Variants in PSG3 observed in about 807,000 individuals in gnomAD.
The protein encoded by PSG3 is pregnancy specific beta-1-glycoprotein 3.
PSG3 carries 61 observed loss-of-function variants against 47.5 expected under a neutral mutation model. The observed-to-expected ratio is 1.28, with a 90% CI of 1.05 to 1.59. The LOEUF (loss-of-function observed/expected upper bound fraction) is 1.59. Ranked by LOEUF, PSG3 falls within the 40% of genes most tolerant of loss-of-function variation. The pLI, the probability that PSG3 is intolerant of heterozygous loss-of-function variation, is 0.00. For missense variants in PSG3, 756 were observed against 524.0 expected (o/e 1.44, Z -4.32); for synonymous variants, 263 against 198.4 (o/e 1.33, Z -2.74).
intron 2 of PSG3, among the ~76,000 whole-genome samples, chr19:42,736,090 C>T (rs1170150243): frequency 6.6e-6 from 1 of 152,190 alleles, no homozygotes; most frequent in Non-Finnish European, 1.5e-5. Flanking sequence ...AACACCCTTA[C>T]TTTGCCCAGG....
chr19:42,729,217 C>T lies in PSG3; in HGVS notation c.1149G>A (p.Gln383=), dbSNP rs777655541. The part of the protein sequence containing the change: ...QLSGQKLFIP[Q]ITTKHSGLYA... ...AGAGCCCGCTATGCTTTGTAGTAAT[C>T]TGGGGGATAAAGAGCTTTTGTCCTG... The change falls in exon 5 of 7, where the codon CAG becomes CAA. Residue 383 remains glutamine, a synonymous_variant. Coordinates refer to ENST00000327495, the MANE Select transcript of PSG3 (RefSeq NM_021016.4). The T allele has an allele frequency of 4.2e-5, 68 of 1,613,850 alleles. No individual in the cohort carries two copies. The highest frequency in any genetic ancestry group is 9.9e-5 in the South Asian group (9 of 91,074).
In PSG3 at chr19:42,730,073, G is replaced by T. The variant is rs1056928710; in HGVS notation, c.710-17C>A. On this transcript the variant is annotated splice_polypyrimidine_tract_variant and intron_variant, in intron 3 of 6. Transcript: ENST00000327495. ...GCAGCTTCGCTGTGTGGATAACAGA[G>T]AGAAGATTGTCCTGTGTGGCACCTT... 2 of 1,609,412 alleles carry T rather than the reference G, an allele frequency of 1.2e-6. No individual in the cohort carries two copies. The highest frequency in any genetic ancestry group is 3.3e-5 in the Admixed American group (2 of 59,790).
intron 2 of PSG3, 41 bp from the exon 3 acceptor site, chr19:42,733,103 T>G (rs1452508985): frequency 4.4e-6 from 7 of 1,591,638 alleles, no homozygotes; most frequent in Non-Finnish European, 6.0e-6. Context: ...GTGTGGCACC[T>G]TTGATTCCTC....
chr19:42,728,986 G>T, intron 5 of PSG3, 137 bp downstream of exon 5: 5 of 1,574,400 alleles, frequency 3.2e-6, no homozygotes, highest in South Asian at 1.2e-5. Context: ...AATTGGGAGG[G>T]TTCAGGAGGA....
intron 3 of PSG3, among the ~76,000 whole-genome samples, chr19:42,730,939 A>G (rs1017546513): frequency 1.7e-4 from 26 of 152,214 alleles, no homozygotes; most frequent in Admixed American, 3.9e-4. Context: ...CATGGACCAT[A>G]TGTGTTTGAT....
In PSG3 at chr19:42,732,781, C is replaced by A. The variant is rs1391360574; in HGVS notation, c.709+3G>T. 6.2e-7 allele frequency: 1 copy of A among 1,613,972 alleles called. No individual in the cohort carries two copies. Among genetic ancestry groups the A allele is most frequent in the Non-Finnish European group, 8.5e-7 (1 of 1,179,960 alleles). On this transcript the variant is annotated splice_donor_region_variant and intron_variant, in intron 3 of 6. Transcript: ENST00000327495. ...GGCTCACAGAGGAACAGGAGATACT[C>A]ACGGAGGAGATTCAGGGTGACTGGG...
chr19:42,730,059 G>A lies in PSG3; in HGVS notation c.710-3C>T. 6.2e-7 allele frequency: 1 copy of A among 1,611,468 alleles called. No homozygotes were observed. The highest frequency in any genetic ancestry group is 8.5e-7 in the Non-Finnish European group (1 of 1,179,208). On this transcript the variant is annotated splice_region_variant and splice_polypyrimidine_tract_variant and intron_variant, in intron 3 of 6. Transcript: ENST00000327495. ...GATGTAGGGCTTGGGCAGCTTCGCT[G>A]TGTGGATAACAGAGAGAAGATTGTC...
rs777975651 is a variant in PSG3, at chr19:42,738,791, G to A, written c.363C>T (p.Thr121=). ...CATCACCTCGCTTTACGATGTGTAA[G>A]GTGTAGGATCCTGCGTCCTCCCGGG... ...NVTREDAGSY[T]LHIVKRGDGT... is the part of the protein sequence containing the mutation. The change falls in exon 2 of 7, where the codon ACC becomes ACT. Residue 121 remains threonine, a synonymous_variant. Transcript: ENST00000327495. The A allele has an allele frequency of 2.5e-6, 4 of 1,614,138 alleles. No individual in the cohort carries two copies. Among genetic ancestry groups the A allele is most frequent in the Non-Finnish European group, 2.5e-6 (3 of 1,179,982 alleles).
At chr19:42,725,890 C>CAAAAAAAAAAAAAAAAAAAAAAA (rs200684147) in intron 5 of PSG3, among the ~76,000 whole-genome samples, 75 of 68,018 alleles carry the variant, frequency 1.1e-3, no homozygotes, top group African/African-American at 1.6e-3. Context: ...CAACAACAAC[C>CAAAAAAAAAAAAAAAAAAAAAAA]AAAAAAAAAA....
At chr19:42,728,195 G>A (rs1600381134) in intron 5 of PSG3, among the ~76,000 whole-genome samples, 1 of 152,188 alleles carries the variant, frequency 6.6e-6, no homozygotes, top group Non-Finnish European at 1.5e-5. Context: ...GAAATGGATA[G>A]TGTGATGGTT....
At position 42,724,981 on chromosome 19, in the gene PSG3, C is replaced by G. The variant is rs141072282; in HGVS notation, c.1244-956G>C. On this transcript the variant is annotated intron_variant, in intron 5 of 6. Transcript: ENST00000327495. ...TATCTCATTTAATCCACACAATAAC[C>G]CTGTGAGGTAGACATTATTTCCATT... is the stretch of plus-strand genomic sequence containing the variant. 2.9e-3 allele frequency among the ~76,000 whole-genome samples: 435 copies of G among 152,142 alleles called. 3 individuals carry two copies. Among genetic ancestry groups the G allele is most frequent in the Non-Finnish European group, 4.4e-3 (301 of 68,000 alleles).
At chr19:42,736,638 GTGTGT>G (rs1969568378) in intron 2 of PSG3, among the ~76,000 whole-genome samples, 1 of 151,676 alleles carries the variant, frequency 6.6e-6, no homozygotes, top group Non-Finnish European at 1.5e-5. Context: ...GTGTGTGTGT[GTGTGT>G]GTGTGTGTGT....
Position 42,736,202 on chromosome 19 carries a change from T to A in PSG3, c.430+2522A>T, listed in dbSNP as rs2122192996. ...CAGAGTTTTTATAATCCTTGACTGCTCAAATGTCGTTGGGCCAGAGTTTAC... is the reference window on the plus strand; with the variant it reads ...CAGAGTTTTTATAATCCTTGACTGCACAAATGTCGTTGGGCCAGAGTTTAC... On this transcript the variant is annotated intron_variant, in intron 2 of 6. Transcript: ENST00000327495. Among the ~76,000 whole-genome samples, 4 of 152,354 alleles carry A rather than the reference T, an allele frequency of 2.6e-5. No individual in the cohort carries two copies. The South Asian group carries it at 8.3e-4, about 32-fold the overall frequency.
chr19:42,739,195 GACAC>G (rs372182118), intron 1 of PSG3, 106 bp from the exon 2 acceptor site: 19 of 1,387,884 alleles, frequency 1.4e-5, no homozygotes, highest in Middle Eastern at 2.3e-4. Context: ...GCTTTGAAGA[GACAC>G]ACACACACAC....
At chr19:42,726,910 A>C (rs1167087259) in intron 5 of PSG3, among the ~76,000 whole-genome samples, 1 of 152,236 alleles carries the variant, frequency 6.6e-6, no homozygotes, top group Non-Finnish European at 1.5e-5. Context: ...TAATCAATAC[A>C]CTGTGGTACT....
chr19:42,734,938 A>C (rs1600388412), intron 2 of PSG3, among the ~76,000 whole-genome samples: 1 of 152,358 alleles, frequency 6.6e-6, no homozygotes, highest in South Asian at 2.1e-4. Context: ...CTAGTGTTTA[A>C]GTTTGTGTGA....
In PSG3 at chr19:42,723,993, T is replaced by C; in HGVS notation, c.1276A>G (p.Asn426Asp). The part of the protein sequence containing the change: ...PSGTGHLPGL[N>D]PL ...TGACATCACGGCTGCTATAATGGAT[T>C]AAGGCCAGGAAGATGTCCTGTTCCT... is the stretch of plus-strand genomic sequence containing the variant. Residue 426 changes from asparagine (N) to aspartate (D), a missense_variant, in exon 6 of 7, where the codon AAT becomes GAT. Physicochemically the swap from Asn to Asp is conservative, Grantham distance 23. Transcript: ENST00000327495. 6.2e-7 allele frequency: 1 copy of C among 1,611,428 alleles called. No homozygotes were observed. The highest frequency in any genetic ancestry group is 8.5e-7 in the Non-Finnish European group (1 of 1,177,558).
intron 2 of PSG3, chr19:42,733,428 T>G (rs1385995207): frequency 7.2e-5 from 18 of 249,004 alleles, no homozygotes; most frequent in Non-Finnish European, 3.1e-5. Context: ...GGAATCTTCT[T>G]AGTTTCAGTC....
In PSG3 at chr19:42,738,869, G is replaced by A. The variant is rs377575932; in HGVS notation, c.285C>T (p.Tyr95=). The A allele has an allele frequency of 6.8e-6, 11 of 1,614,012 alleles. No homozygotes were observed. The highest frequency in any genetic ancestry group is 1.6e-4 in the Middle Eastern group (1 of 6,082). Reference sequence around the variant, plus strand: ...TGGAATATACTGTTTCTCGTCCACTGTATGCAGGCCCATATATAATTATTT... The same window carrying A: ...TGGAATATACTGTTTCTCGTCCACTATATGCAGGCCCATATATAATTATTT... ...DGQIIIYGPA[Y]SGRETVYSNA... is the part of the protein sequence containing the mutation. Residue 95 remains tyrosine (Y), a synonymous_variant, in exon 2 of 7, where the codon TAC becomes TAT. Transcript: ENST00000327495.
Sources: allele counts gnomAD v4.1 joint callset (sites outside exome capture counted in the v4.1 genomes callset), GRCh38; gene constraint gnomAD v4.1.1; transcripts MANE v1.5; gene names NCBI Gene and HGNC (gene_info 2026-07-23, HGNC 2026-07-21).